SMURF1: variants seen among roughly 807,000 people sequenced by gnomAD.
SMURF1 encodes the protein SMAD specific E3 ubiquitin protein ligase 1, also known as E3 ubiquitin-protein ligase SMURF1.
SMURF1 carries 44 observed loss-of-function variants against 98.0 expected under a neutral mutation model. The ratio of observed to expected loss-of-function variants is 0.45; its 90% CI spans 0.35 to 0.58. The LOEUF is 0.58. Ranked by LOEUF, SMURF1 falls within the 20% of genes least tolerant of loss-of-function variation. The pLI is 0.00. For missense variants in SMURF1, 687 were observed against 938.4 expected, an observed-to-expected ratio of 0.73 and a Z score of 3.50; for synonymous variants, 396 against 374.9, an observed-to-expected ratio of 1.06 and a Z score of -0.65.
At chr7:99,048,811 G>C (rs2150523177) in intron 9 of SMURF1, 1 of 152,288 alleles carries the variant, frequency 6.6e-6, no homozygotes, top group South Asian at 2.1e-4. Flanking sequence ...TATGTCGGGG[G>C]CAGGCGCAGT....
rs1030038441 is a variant in SMURF1 at position 99,029,985 on chromosome 7, C to T, written c.*599G>A. 2 of 152,256 alleles carry T rather than the reference C, an allele frequency of 1.3e-5. No individual in the cohort carries two copies. The highest frequency in any genetic ancestry group is 4.8e-5 in the African/African-American group (2 of 41,456). 9.4% of individuals were successfully genotyped at this position (152,256 alleles called of 1,614,324 possible). ...ATTCCTTCTCCTTTCAAAGGGGAAA[C>T]ACATTTTGACTCAAGCTTCCTGCTG... On this transcript the variant is annotated 3_prime_UTR_variant, in exon 18 of 18. Coordinates refer to ENST00000361368, the MANE Select transcript of SMURF1 (RefSeq NM_181349.3).
chr7:99,126,947 C>T (rs1196590125), intron 1 of SMURF1, among the ~76,000 whole-genome samples: 2 of 134,750 alleles, frequency 1.5e-5, no homozygotes, highest in African/African-American at 5.6e-5. Context: ...ACTACGTGTT[C>T]AGCATAGGTT....
chr7:99,030,709 C>T (rs374549983), intron 17 of SMURF1, 26 bp from the exon 18 acceptor site: 88 of 1,595,440 alleles, frequency 5.5e-5, no homozygotes, highest in African/African-American at 2.1e-4. Context: ...AGAGAGTCAC[C>T]GTGTGGGCAG....
intron 3 of SMURF1, among the ~76,000 whole-genome samples, chr7:99,059,282 T>C (rs1166234036): frequency 6.3e-5 from 9 of 142,260 alleles, no homozygotes; most frequent in East Asian, 2.1e-4. Context: ...CCTGTAGTCC[T>C]AGCTACTTGG....
At position 99,052,344 on chromosome 7, in the gene SMURF1, A is replaced by C; in HGVS notation, c.582T>G (p.Asn194Lys). The C allele has an allele frequency of 6.2e-7, 1 of 1,612,616 alleles. No individual in the cohort carries two copies. The highest frequency in any genetic ancestry group is 8.5e-7 in the Non-Finnish European group (1 of 1,179,390). Residue 194 changes from asparagine to lysine, a missense_variant, in exon 7 of 18, where the codon AAT (asparagine) becomes AAG (lysine). Transcript: ENST00000361368. ...GACTTGGGGACTCCACGAACCTGCA[A>C]TTCCCTCCTCCAGCAGCAGCACCGG... ...DSTGAAAGGG[N>K]CRFVESPSQD... is the part of the protein sequence containing the mutation.
chr7:99,122,796 T>C (rs1246698441), intron 1 of SMURF1, among the ~76,000 whole-genome samples: 1 of 148,802 alleles, frequency 6.7e-6, no homozygotes, highest in Non-Finnish European at 1.5e-5. Flanking sequence ...ACATCACTTC[T>C]CTGTGTCTTT....
intron 1 of SMURF1, among the ~76,000 whole-genome samples, chr7:99,063,241 T>TTTTTTATATA (rs1796084918): frequency 2.9e-5 from 1 of 34,906 alleles, no homozygotes; most frequent in Non-Finnish European, 5.2e-5. Flanking sequence ...TAAGATTTAT[T>TTTTTTATATA]TATATATATA....
intron 1 of SMURF1, among the ~76,000 whole-genome samples, chr7:99,133,576 T>C (rs1402576712): frequency 6.6e-6 from 1 of 152,188 alleles, no homozygotes; most frequent in Non-Finnish European, 1.5e-5. Context: ...TAAATTGGTA[T>C]AACCACTTCG....
At chr7:99,086,128 C>T (rs761243439) in intron 1 of SMURF1, among the ~76,000 whole-genome samples, 7 of 151,968 alleles carry the variant, frequency 4.6e-5, no homozygotes, top group Non-Finnish European at 1.0e-4. Flanking sequence ...GGTGGATCAC[C>T]TGAGGTTAGC....
intron 5 of SMURF1, among the ~76,000 whole-genome samples, chr7:99,055,262 G>A (rs951111959): frequency 3.3e-5 from 5 of 152,036 alleles, no homozygotes; most frequent in Non-Finnish European, 5.9e-5. Flanking sequence ...GAGCTCAGGA[G>A]TTTGAGACCA....
chr7:99,080,769 A>G (rs1450311815), intron 1 of SMURF1, among the ~76,000 whole-genome samples: 1 of 152,162 alleles, frequency 6.6e-6, no homozygotes, highest in African/African-American at 2.4e-5. Context: ...AGCAAGCAAA[A>G]TTACAGGCGA....
At chr7:99,087,631 C>T (rs1468543319) in intron 1 of SMURF1, among the ~76,000 whole-genome samples, 1 of 152,160 alleles carries the variant, frequency 6.6e-6, no homozygotes, top group Non-Finnish European at 1.5e-5. Context: ...GCTAGATAGA[C>T]AAAAATGCAT....
chr7:99,060,378 C>CA (rs11340949), intron 3 of SMURF1, among the ~76,000 whole-genome samples: 2,067 of 91,982 alleles, frequency 0.022, 48 homozygotes, highest in African/African-American at 0.057. Context: ...GACTCCGTCT[C>CA]AAAAAAAAAA....
intron 9 of SMURF1, 40 bp from the exon 10 acceptor site, chr7:99,047,922 G>T: frequency 1.3e-6 from 2 of 1,599,268 alleles, no homozygotes; most frequent in Non-Finnish European, 8.5e-7. Context: ...CCGAAGCCCC[G>T]GCCAGGGGAG....
Position 99,143,732 on chromosome 7 carries a change from G to A in SMURF1, c.49C>T (p.Leu17=). The part of the protein sequence containing the change: ...RRNGSSIKIR[L]TVLCAKNLAK... ...GGCCTCCCGCCGGCCGTACCTGTCA[G>A]ACGGATCTTGATGCTGGAGCCGTTC... Residue 17 remains leucine, a synonymous_variant, in exon 1 of 18, where the codon CTG becomes TTG. Transcript: ENST00000361368. 6.4e-7 allele frequency: 1 copy of A among 1,563,034 alleles called. No individual in the cohort carries two copies. The highest frequency in any genetic ancestry group is 8.6e-7 in the Non-Finnish European group (1 of 1,157,408).
chr7:99,107,656 C>G (rs998713682), intron 1 of SMURF1, among the ~76,000 whole-genome samples: 2 of 152,198 alleles, frequency 1.3e-5, no homozygotes, highest in Non-Finnish European at 2.9e-5. Context: ...ATCTTTCTGT[C>G]CTATTTGCAG....
At chr7:99,061,657 A>T (rs1266722376) in intron 2 of SMURF1, 142 bp downstream of exon 2, 1 of 545,318 alleles carries the variant, frequency 1.8e-6, no homozygotes, top group Admixed American at 3.7e-5. Context: ...TCAACCGGGA[A>T]ATAAAGCTTG....
intron 8 of SMURF1, chr7:99,051,109 G>A: frequency 4.1e-6 from 4 of 968,248 alleles, no homozygotes; most frequent in Non-Finnish European, 6.2e-6. Flanking sequence ...ATAAGGAATT[G>A]CTGTGTAACC....
intron 1 of SMURF1, among the ~76,000 whole-genome samples, chr7:99,071,508 T>C (rs901570610): frequency 3.9e-5 from 6 of 152,210 alleles, no homozygotes; most frequent in African/African-American, 1.4e-4. Context: ...TTTTTTAACA[T>C]TAAAATGTTA....
Sources: gnomAD v4.1 joint callset for allele counts (sites outside exome capture counted in the v4.1 genomes callset) on GRCh38, gnomAD v4.1.1 for gene constraint, MANE v1.5 for transcripts, NCBI Gene and HGNC (gene_info 2026-07-23, HGNC 2026-07-21) for gene names.